The following MANBA variants were observed in gnomAD, a reference collection of about 807,000 sequenced individuals.
MANBA encodes the protein mannosidase beta, also known as beta-mannosidase.
MANBA carries 83 observed loss-of-function variants against 111.1 expected under a neutral mutation model. The ratio of observed to expected loss-of-function variants is 0.75; its 90% confidence interval spans 0.63 to 0.90. The LOEUF (loss-of-function observed/expected upper bound fraction) is 0.90. Ranked by LOEUF, MANBA falls within the 40% of genes least tolerant of loss-of-function variation. The pLI is 0.00. For synonymous variants in MANBA, 370 were observed against 378.7 expected (o/e 0.98, Z 0.27); for missense variants, 1,036 against 1,069.0 (o/e 0.97, Z 0.43).
Position 102,672,673 on chromosome 4 carries a change from G to A in MANBA, c.1112+1246C>T, listed in dbSNP as rs191581556. On this transcript the variant is annotated intron_variant, in intron 8 of 16. Transcript: ENST00000647097. Reference sequence around the variant, plus strand: ...GCACAGCAGGAGGTAAGCAGCTGGTGAGCAAGCATTACTACCTGACCTCCT... The same window carrying A: ...GCACAGCAGGAGGTAAGCAGCTGGTAAGCAAGCATTACTACCTGACCTCCT... Among the ~76,000 whole-genome samples the A allele has an allele frequency of 4.5e-4, 69 of 152,336 alleles. 1 individual carries two copies. Among genetic ancestry groups the A allele is most frequent in the Non-Finnish European group, 8.5e-4 (58 of 68,016 alleles).
intron 4 of MANBA, among the ~76,000 whole-genome samples, chr4:102,719,586 A>G (rs1164331802): frequency 2.0e-5 from 3 of 152,238 alleles, no homozygotes; most frequent in Non-Finnish European, 4.4e-5. Flanking sequence ...TAAGCTGAGC[A>G]TCTTGTTCAT....
intron 13 of MANBA, among the ~76,000 whole-genome samples, chr4:102,644,911 T>G (rs2110198223): frequency 6.6e-6 from 1 of 152,098 alleles, no homozygotes; most frequent in East Asian, 1.9e-4. Flanking sequence ...AAAGAAATAT[T>G]AATTTTTTTA....
At chr4:102,634,203 T>A (rs1729511237) in intron 16 of MANBA, among the ~76,000 whole-genome samples, 1 of 152,192 alleles carries the variant, frequency 6.6e-6, no homozygotes. Flanking sequence ...TAACAACACA[T>A]CCTGATCATC....
At chr4:102,687,530 C>T (rs774127113) in intron 7 of MANBA, among the ~76,000 whole-genome samples, 1 of 152,164 alleles carries the variant, frequency 6.6e-6, no homozygotes, top group Non-Finnish European at 1.5e-5. Context: ...ATTTCTTTCA[C>T]TTCTGCAAAC....
chr4:102,748,830 T>C (rs538061548), intron 1 of MANBA, among the ~76,000 whole-genome samples: 1 of 152,260 alleles, frequency 6.6e-6, no homozygotes, highest in East Asian at 1.9e-4. Context: ...GGAGAATCAC[T>C]TGAACCCAGG....
Position 102,674,050 on chromosome 4 carries a change from T to C in MANBA, c.981A>G (p.Glu327=), listed in dbSNP as rs1386061214. 1.2e-6 allele frequency: 2 copies of C among 1,600,222 alleles called. 1 individual carries two copies. The highest frequency in any genetic ancestry group is 2.2e-5 in the South Asian group (2 of 90,760). Residue 327 remains glutamate, a synonymous_variant, in exon 8 of 17, where the codon GAA becomes GAG. Transcript: ENST00000647097. ...ACCCTTTTATAGGCTCTTCTATAAGTTCCACTGTCCTAAAATAAACCTGCA... is the reference window on the plus strand; with the variant it reads ...ACCCTTTTATAGGCTCTTCTATAAGCTCCACTGTCCTAAAATAAACCTGCA... ...KSAKVYFRTV[E]LIEEPIKGSP...
chr4:102,649,396 T>C (rs908988377), intron 13 of MANBA, among the ~76,000 whole-genome samples: 2 of 152,210 alleles, frequency 1.3e-5, no homozygotes, highest in African/African-American at 4.8e-5. Context: ...TCCAGCTGTC[T>C]CGCTTCCTCA....
At chr4:102,738,234 A>G (rs1723287398) in intron 1 of MANBA, among the ~76,000 whole-genome samples, 1 of 152,254 alleles carries the variant, frequency 6.6e-6, no homozygotes, top group Admixed American at 6.5e-5. Flanking sequence ...ACTGCCTGCA[A>G]TATCCTGGTT....
intron 12 of MANBA, among the ~76,000 whole-genome samples, chr4:102,656,468 C>T (rs1038995836): frequency 6.6e-6 from 1 of 152,130 alleles, no homozygotes; most frequent in Admixed American, 6.5e-5. Flanking sequence ...ACCCTAATCC[C>T]TTGCTGGTAG....
chr4:102,726,132 G>A (rs940992697), intron 2 of MANBA, among the ~76,000 whole-genome samples: 1 of 151,520 alleles, frequency 6.6e-6, no homozygotes, highest in African/African-American at 2.4e-5. Flanking sequence ...AGGGACAGAA[G>A]GATTTTTTTT....
chr4:102,749,349 C>G (rs951185346), intron 1 of MANBA, among the ~76,000 whole-genome samples: 3 of 152,040 alleles, frequency 2.0e-5, no homozygotes, highest in African/African-American at 7.3e-5. Context: ...AATTGTGGCA[C>G]AGAAGTGATG....
intron 7 of MANBA, among the ~76,000 whole-genome samples, chr4:102,677,141 T>C (rs769669330): frequency 5.3e-5 from 8 of 150,772 alleles, no homozygotes; most frequent in Non-Finnish European, 1.0e-4. Context: ...ACACTCCATT[T>C]TTACTTGATA....
intron 3 of MANBA, among the ~76,000 whole-genome samples, chr4:102,723,266 G>A (rs979879520): frequency 6.6e-6 from 1 of 152,128 alleles, no homozygotes; most frequent in Non-Finnish European, 1.5e-5. Flanking sequence ...CAAGTTTCTA[G>A]GCTTCTCCTT....
At chr4:102,692,223 G>A (rs139232698) in intron 5 of MANBA, among the ~76,000 whole-genome samples, 1 of 152,216 alleles carries the variant, frequency 6.6e-6, no homozygotes, top group East Asian at 1.9e-4. Context: ...AAAAGCCCCA[G>A]AAAATGCCAC....
At chr4:102,678,875 A>G (rs1731840847) in intron 7 of MANBA, among the ~76,000 whole-genome samples, 1 of 152,230 alleles carries the variant, frequency 6.6e-6, no homozygotes, top group Non-Finnish European at 1.5e-5. Flanking sequence ...GTAATGAATC[A>G]TTGATTCACA....
At chr4:102,701,541 T>G (rs372248315) in intron 5 of MANBA, among the ~76,000 whole-genome samples, 1 of 152,174 alleles carries the variant, frequency 6.6e-6, no homozygotes, top group Admixed American at 6.5e-5. Flanking sequence ...AGGAGCTCTT[T>G]TAGGGCAGGC....
chr4:102,721,228 G>T (rs1271892444), intron 4 of MANBA, among the ~76,000 whole-genome samples: 1 of 152,178 alleles, frequency 6.6e-6, no homozygotes, highest in Non-Finnish European at 1.5e-5. Context: ...GGGGGCTGAG[G>T]CAAGAGAATT....
At chr4:102,658,608 G>A (rs73834886) in intron 11 of MANBA, among the ~76,000 whole-genome samples, 1,552 of 152,310 alleles carry the variant, frequency 0.01, 31 homozygotes, top group African/African-American at 0.035. Flanking sequence ...GTAATGGCTA[G>A]GTGTCCACCA....
intron 5 of MANBA, 34 bp from the exon 6 acceptor site, chr4:102,690,805 A>C: frequency 1.3e-6 from 1 of 741,992 alleles, no homozygotes; most frequent in Non-Finnish European, 1.9e-6. Flanking sequence ...ATATATATAT[A>C]TATATATAAT....
Sources: allele counts gnomAD v4.1 joint callset (sites outside exome capture counted in the v4.1 genomes callset), GRCh38; gene constraint gnomAD v4.1.1; transcripts MANE v1.5; gene names NCBI Gene and HGNC (gene_info 2026-07-23, HGNC 2026-07-21).